The following CHD6 variants were observed in gnomAD, a reference collection of about 807,000 sequenced individuals.
CHD6 encodes the protein ATP-dependent chromatin remodeler CHD6.
Under a neutral mutation model 276.9 loss-of-function variants are expected in CHD6, and 50 were observed. The observed-to-expected ratio is 0.18, with a 90% confidence interval of 0.14 to 0.23. The LOEUF is 0.23. CHD6 is among the 10% of genes least tolerant of loss of function. The pLI, the probability that CHD6 is intolerant of heterozygous loss-of-function variation, is 1.00. For missense variants in CHD6, 2,564 were observed against 3,365.8 expected (o/e 0.76, Z 5.89); for synonymous variants, 1,173 against 1,229.3 (o/e 0.95, Z 0.96).
At chr20:41,555,702 G>A (rs973758954) in intron 1 of CHD6, among the ~76,000 whole-genome samples, 2 of 151,714 alleles carry the variant, frequency 1.3e-5, no homozygotes, top group African/African-American at 4.8e-5. Context: ...TGGGCAGCCG[G>A]GCAGAGACGC....
At chr20:41,559,399 A>G (rs1568701997) in intron 1 of CHD6, among the ~76,000 whole-genome samples, 1 of 152,320 alleles carries the variant, frequency 6.6e-6, no homozygotes, top group African/African-American at 2.4e-5. Context: ...TACACACCTG[A>G]AAGTTCACTT....
chr20:41,520,899 A>C (rs960304213), intron 3 of CHD6, among the ~76,000 whole-genome samples: 3 of 152,196 alleles, frequency 2.0e-5, no homozygotes, highest in Admixed American at 6.5e-5. Flanking sequence ...GTGTTAAAAG[A>C]GTATAATATG....
intron 12 of CHD6, among the ~76,000 whole-genome samples, chr20:41,489,070 G>A (rs1366630485): frequency 1.3e-5 from 2 of 152,014 alleles, no homozygotes; most frequent in Admixed American, 6.6e-5. Flanking sequence ...TAAGACAAGC[G>A]CTACTAGGCA....
In CHD6 at chr20:41,452,782, C is replaced by T; in HGVS notation, c.3281G>A (p.Arg1094Gln). The T allele has an allele frequency of 6.2e-7, 1 of 1,613,138 alleles. No homozygotes were observed. The highest frequency in any genetic ancestry group is 8.5e-7 in the Non-Finnish European group (1 of 1,179,886). Residue 1094 changes from arginine to glutamine, a missense_variant, in exon 21 of 37, where the codon CGA becomes CAA. Arg to Gln is a conservative substitution (Grantham distance 43). This residue lies in a region of CHD6 where 515 missense variants were observed against 739.5 expected (regional missense o/e 0.70). Coordinates refer to ENST00000373233, the MANE Select transcript of CHD6 (RefSeq NM_032221.5). This position sits in a 1 kb window ranked among gnomAD's most constrained non-coding sequence, Gnocchi z 4.2. ...RLNDKARRYLRAECFRVEKNL... is the reference protein window; with the variant it reads ...RLNDKARRYLQAECFRVEKNL... Reference sequence around the variant, plus strand: ...CTTCTCTACCCGGAAGCACTCCGCTCGGAGGTAGCGCCTGGCTTTGTCATT... The same window carrying T: ...CTTCTCTACCCGGAAGCACTCCGCTTGGAGGTAGCGCCTGGCTTTGTCATT...
At chr20:41,510,561 T>G (rs1452882854) in intron 5 of CHD6, among the ~76,000 whole-genome samples, 1 of 152,236 alleles carries the variant, frequency 6.6e-6, no homozygotes, top group African/African-American at 2.4e-5. Flanking sequence ...AGATTCTAAT[T>G]TATGTTTCTC....
Position 41,533,508 on chromosome 20 carries a change from G to A in CHD6, c.96C>T (p.Tyr32=), listed in dbSNP as rs751484367. The A allele has an allele frequency of 1.1e-5, 17 of 1,613,414 alleles. No individual in the cohort carries two copies. The highest frequency in any genetic ancestry group is 1.4e-5 in the Non-Finnish European group (16 of 1,179,924). ...PMSDASVNFD[Y]KSPSPFDCST... is the part of the protein sequence containing the mutation. ...TGCAGTCAAATGGGGATGGAGATTT[G>A]TAGTCAAAATTGACAGAGGCATCAG... is the stretch of plus-strand genomic sequence containing the variant. Residue 32 remains tyrosine, a synonymous_variant, in exon 3 of 37, where the codon TAC becomes TAT. Transcript: ENST00000373233.
chr20:41,617,430 T>C (rs2045943836), intron 1 of CHD6, among the ~76,000 whole-genome samples: 1 of 152,152 alleles, frequency 6.6e-6, no homozygotes, highest in African/African-American at 2.4e-5. Context: ...CAAATAAAAC[T>C]GAAGCTGCAA....
At chr20:41,436,442 G>A (rs571016848) in intron 27 of CHD6, among the ~76,000 whole-genome samples, 2 of 152,182 alleles carry the variant, frequency 1.3e-5, no homozygotes, top group Admixed American at 1.3e-4. Flanking sequence ...CAGCCACTCT[G>A]GAAAACAATT....
intron 4 of CHD6, 97 bp from the exon 5 acceptor site, chr20:41,513,092 GT>G (rs1340029724): frequency 7.7e-7 from 1 of 1,304,396 alleles, no homozygotes; most frequent in Non-Finnish European, 1.1e-6. Context: ...ATGCCAAGGA[GT>G]GCTTTCTTGC....
chr20:41,533,046 G>A lies in CHD6; in HGVS notation c.554+4C>T, dbSNP rs1017984966. On this transcript the variant is annotated splice_donor_region_variant and intron_variant, in intron 3 of 36. Transcript: ENST00000373233. The stretch of plus-strand genomic sequence containing the variant: ...GTGCTCAGAGAAGGGAGAAAGGAAC[G>A]TACCTGGCCTTCCTGGACTTCGTCC... 17 of 1,581,144 alleles carry A rather than the reference G, an allele frequency of 1.1e-5. No individual in the cohort carries two copies. Among genetic ancestry groups the A allele is most frequent in the African/African-American group, 8.2e-5 (6 of 73,062 alleles).
chr20:41,585,511 C>CAA (rs60920576), intron 1 of CHD6, among the ~76,000 whole-genome samples: 37 of 74,230 alleles, frequency 5.0e-4, no homozygotes, highest in South Asian at 9.4e-4. Flanking sequence ...TCCGTCTCAC[C>CAA]AAAAAAAAAA....
intron 3 of CHD6, among the ~76,000 whole-genome samples, chr20:41,521,134 A>G (rs960271670): frequency 6.6e-6 from 1 of 152,196 alleles, no homozygotes; most frequent in African/African-American, 2.4e-5. Flanking sequence ...CTACATATTA[A>G]AACATAAAAA....
intron 5 of CHD6, among the ~76,000 whole-genome samples, chr20:41,502,969 C>T (rs975978596): frequency 6.6e-6 from 1 of 152,182 alleles, no homozygotes; most frequent in Admixed American, 6.5e-5. Flanking sequence ...CATGCCACTG[C>T]ACTCCAGCCT....
At chr20:41,505,949 G>C (rs142905673) in intron 5 of CHD6, among the ~76,000 whole-genome samples, 13 of 152,200 alleles carry the variant, frequency 8.5e-5, no homozygotes, top group African/African-American at 2.9e-4. Context: ...CTGAGTTAGA[G>C]TAAATTATCC....
chr20:41,550,144 G>A (rs949975636), intron 2 of CHD6, among the ~76,000 whole-genome samples: 2 of 152,172 alleles, frequency 1.3e-5, no homozygotes, highest in African/African-American at 4.8e-5. Flanking sequence ...TCCACTAGGT[G>A]GGTGTGCTAT....
chr20:41,420,491 G>A lies in CHD6; in HGVS notation c.6127+17C>T. The A allele has an allele frequency of 6.3e-7, 1 of 1,581,178 alleles. No individual in the cohort carries two copies. The highest frequency in any genetic ancestry group is 1.8e-5 in the Admixed American group (1 of 55,806). ...AACTAGTTTATCCAAAATGCCACAA[G>A]ATCCTACATACTGTACCTTGACTAT... On this transcript the variant is annotated intron_variant, in intron 31 of 36. Transcript: ENST00000373233.
chr20:41,522,665 CACAT>C (rs2044431414), intron 3 of CHD6, among the ~76,000 whole-genome samples: 1 of 151,784 alleles, frequency 6.6e-6, no homozygotes, highest in African/African-American at 2.4e-5. Flanking sequence ...CGCGCACACA[CACAT>C]ACATAAATAG....
rs752640269 is a variant in CHD6, at chr20:41,422,092, G to A, written c.4556-13C>T. Reference sequence around the variant, plus strand: ...GTATCTGGGGGACCTGGAGAGAAAGGGAAATAAAGCCTATCACTGAAGGTG... The same window carrying A: ...GTATCTGGGGGACCTGGAGAGAAAGAGAAATAAAGCCTATCACTGAAGGTG... On this transcript the variant is annotated splice_polypyrimidine_tract_variant and intron_variant, in intron 30 of 36. Transcript: ENST00000373233. 1.6e-5 allele frequency: 25 copies of A among 1,592,322 alleles called. No homozygotes were observed. In the South Asian group the frequency reaches 1.7e-4, roughly 11 times the overall value.
chr20:41,490,152 T>A, intron 11 of CHD6, 131 bp from the exon 12 acceptor site: 1 of 784,946 alleles, frequency 1.3e-6, no homozygotes, highest in Non-Finnish European at 2.1e-6. Flanking sequence ...TTTCACATAT[T>A]AAACTGAGGT....
Sources: allele counts gnomAD v4.1 joint callset (sites outside exome capture counted in the v4.1 genomes callset), GRCh38; gene constraint gnomAD v4.1.1; regional missense constraint gnomAD v4.1.1; non-coding constraint Gnocchi (gnomAD v3.1); transcripts MANE v1.5; gene names NCBI Gene and HGNC (gene_info 2026-07-23, HGNC 2026-07-21).